The following NR2F1-AS1 variants were observed in gnomAD, a reference collection of about 807,000 sequenced individuals.
NR2F1-AS1 encodes NR2F1 antisense RNA 1.
chr5:93,533,648 C>A (rs1751777973), intron 4 of NR2F1-AS1, among the ~76,000 whole-genome samples: 1 of 151,980 alleles, frequency 6.6e-6, no homozygotes, highest in Non-Finnish European at 1.5e-5. Context: ...ATGTACTGGG[C>A]ACTACTGCAA....
upstream of NR2F1-AS1, chr5:93,583,664 G>T (rs944891991): frequency 6.6e-6 from 1 of 151,942 alleles, no homozygotes. Flanking sequence ...ACTAAAAAAA[G>T]AACATTTTTG....
At chr5:93,571,818 C>T (rs898236780) in intron 1 of NR2F1-AS1, among the ~76,000 whole-genome samples, 1 of 151,966 alleles carries the variant, frequency 6.6e-6, no homozygotes, top group Non-Finnish European at 1.5e-5. Context: ...CACCACAGCT[C>T]ACATCTGGAG....
intron 4 of NR2F1-AS1, among the ~76,000 whole-genome samples, chr5:93,465,710 G>A (rs1423551108): frequency 6.6e-6 from 1 of 152,188 alleles, no homozygotes; most frequent in Non-Finnish European, 1.5e-5. Flanking sequence ...TTAAGAAAAT[G>A]TGACACATAT....
chr5:93,511,552 T>C (rs1007122868), intron 4 of NR2F1-AS1, among the ~76,000 whole-genome samples: 6 of 152,202 alleles, frequency 3.9e-5, no homozygotes, highest in Admixed American at 3.9e-4. Context: ...AAAGATTATA[T>C]GGAACTGAAA....
At chr5:93,497,805 T>A (rs1199500213) in intron 4 of NR2F1-AS1, among the ~76,000 whole-genome samples, 2 of 152,216 alleles carry the variant, frequency 1.3e-5, no homozygotes, top group East Asian at 3.8e-4. Context: ...AAGATTCTCA[T>A]TAGCTTTCAT....
intron 4 of NR2F1-AS1, among the ~76,000 whole-genome samples, chr5:93,433,134 C>T (rs999606217): frequency 6.6e-6 from 1 of 152,178 alleles, no homozygotes; most frequent in African/African-American, 2.4e-5. Context: ...TCTCTCGTAT[C>T]TTATAGACTA....
chr5:93,485,013 T>C (rs1186265692), intron 4 of NR2F1-AS1, among the ~76,000 whole-genome samples: 1 of 152,134 alleles, frequency 6.6e-6, no homozygotes, highest in Non-Finnish European at 1.5e-5. Flanking sequence ...ACAATAATAC[T>C]GGGAGACTTT....
At chr5:93,434,375 G>A (rs1749389945) in intron 4 of NR2F1-AS1, among the ~76,000 whole-genome samples, 1 of 151,968 alleles carries the variant, frequency 6.6e-6, no homozygotes, top group Non-Finnish European at 1.5e-5. Flanking sequence ...AGAGTTTCAG[G>A]CATCGTATAA....
intron 4 of NR2F1-AS1, among the ~76,000 whole-genome samples, chr5:93,451,026 T>C (rs941330066): frequency 2.0e-5 from 3 of 151,628 alleles, no homozygotes; most frequent in Admixed American, 6.6e-5. Context: ...AGGTCATTAA[T>C]ATTCTGTAAA....
chr5:93,470,867 C>G (rs1326447218), intron 4 of NR2F1-AS1, among the ~76,000 whole-genome samples: 1 of 151,676 alleles, frequency 6.6e-6, no homozygotes, highest in Non-Finnish European at 1.5e-5. Flanking sequence ...GCCGATAATA[C>G]AAATACTTTA....
chr5:93,561,489 C>T (rs187899138), intron 2 of NR2F1-AS1, among the ~76,000 whole-genome samples: 2 of 151,584 alleles, frequency 1.3e-5, no homozygotes, highest in Admixed American at 6.6e-5. Flanking sequence ...TTTATGAAAA[C>T]AGGCCAGGCG....
exon 4 of NR2F1-AS1, chr5:93,553,798 T>C (rs1050623743): frequency 2.0e-5 from 3 of 152,228 alleles, no homozygotes; most frequent in East Asian, 1.9e-4. Context: ...TGTTCCATAG[T>C]TGACATAGGC....
intron 4 of NR2F1-AS1, among the ~76,000 whole-genome samples, chr5:93,461,062 A>T (rs1264497697): frequency 1.1e-4 from 16 of 152,248 alleles, no homozygotes; most frequent in Non-Finnish European, 1.9e-4. Flanking sequence ...TTTTCACAAT[A>T]GCAAAGACAT....
intron 4 of NR2F1-AS1, among the ~76,000 whole-genome samples, chr5:93,456,153 G>T (rs1244385029): frequency 6.6e-6 from 1 of 152,088 alleles, no homozygotes; most frequent in Non-Finnish European, 1.5e-5. Flanking sequence ...TAGCTGGCAT[G>T]ATTATTTATA....
chr5:93,457,107 A>C (rs1749966554), intron 4 of NR2F1-AS1, among the ~76,000 whole-genome samples: 3 of 151,956 alleles, frequency 2.0e-5, no homozygotes, highest in South Asian at 4.2e-4. Context: ...CTCTTATCTC[A>C]ACTGCAAAGA....
At chr5:93,569,219 AG>A (rs1190158447) in intron 1 of NR2F1-AS1, among the ~76,000 whole-genome samples, 36 of 152,322 alleles carry the variant, frequency 2.4e-4, no homozygotes, top group African/African-American at 8.7e-4. Context: ...ATTAGTACAC[AG>A]GAAGACAGAA....
chr5:93,419,896 T>C (rs1451258278), intron 4 of NR2F1-AS1, among the ~76,000 whole-genome samples: 2 of 152,118 alleles, frequency 1.3e-5, no homozygotes, highest in African/African-American at 4.8e-5. Flanking sequence ...GGCTAAGCTA[T>C]AGAATTATAT....
chr5:93,582,375 G>A (rs1753122897), upstream of NR2F1-AS1, among the ~76,000 whole-genome samples: 1 of 151,866 alleles, frequency 6.6e-6, no homozygotes, highest in Non-Finnish European at 1.5e-5. Flanking sequence ...TCGAATTTGT[G>A]GCAATAGCTG....
intron 4 of NR2F1-AS1, among the ~76,000 whole-genome samples, chr5:93,471,746 G>A (rs1277233385): frequency 6.6e-6 from 1 of 151,740 alleles, no homozygotes; most frequent in Non-Finnish European, 1.5e-5. Flanking sequence ...AAGAACTGTT[G>A]GTCATAAGTT....
Sources: allele counts gnomAD v4.1 joint callset (sites outside exome capture counted in the v4.1 genomes callset), GRCh38; gene constraint gnomAD v4.1.1; transcripts MANE v1.5; gene names NCBI Gene and HGNC (gene_info 2026-07-23, HGNC 2026-07-21).